Variants in PPA2 observed in about 807,000 individuals in gnomAD.
PPA2 encodes the protein inorganic pyrophosphatase 2, mitochondrial.
In PPA2, 48 loss-of-function variants were observed where a neutral mutation model predicts 49.5. The ratio of observed to expected loss-of-function variants is 0.97; its 90% CI spans 0.77 to 1.23. The LOEUF is 1.23. Ranked by LOEUF, PPA2 falls within the 50% of genes most tolerant of loss-of-function variation. The probability of loss-of-function intolerance (pLI) is 0.00; values close to 1 mark genes in which losing one functional copy is unlikely to be tolerated. For synonymous variants in PPA2, 131 were observed against 139.9 expected (o/e 0.94, Z 0.45); for missense variants, 429 against 410.1 (o/e 1.05, Z -0.40).
chr4:105,449,523 C>A, intron 3 of PPA2, 120 bp from the exon 4 acceptor site: 1 of 570,654 alleles, frequency 1.8e-6, no homozygotes, highest in Non-Finnish European at 3.0e-6. Context: ...GTTGAGTCTC[C>A]ATCATACATC....
intron 6 of PPA2, among the ~76,000 whole-genome samples, chr4:105,426,559 T>C (rs892472952): frequency 2.6e-5 from 4 of 152,206 alleles, no homozygotes; most frequent in Non-Finnish European, 5.9e-5. Flanking sequence ...GCGGGTCCCA[T>C]GCCCACAGAG....
chr4:105,457,028 C>A (rs1722900536), intron 1 of PPA2, among the ~76,000 whole-genome samples: 1 of 151,706 alleles, frequency 6.6e-6, no homozygotes, highest in South Asian at 2.1e-4. Flanking sequence ...TAGACTAAAA[C>A]CCAAAATACA....
chr4:105,440,394 TG>T (rs1724297399), intron 5 of PPA2, among the ~76,000 whole-genome samples: 1 of 152,068 alleles, frequency 6.6e-6, no homozygotes, highest in Admixed American at 6.5e-5. Context: ...CCCAAGTGGC[TG>T]GAACTACAGG....
chr4:105,374,398 T>C (rs1054038924), intron 10 of PPA2, among the ~76,000 whole-genome samples: 4 of 152,216 alleles, frequency 2.6e-5, no homozygotes, highest in African/African-American at 9.6e-5. Context: ...GTGTCTTTTA[T>C]TAAATAATTA....
intron 5 of PPA2, among the ~76,000 whole-genome samples, chr4:105,445,724 T>C (rs1722348442): frequency 6.6e-6 from 1 of 152,142 alleles, no homozygotes; most frequent in South Asian, 2.1e-4. Context: ...TGATTCAGCA[T>C]ATTCTGAGTT....
intron 11 of PPA2, 73 bp from the exon 12 acceptor site, chr4:105,369,826 T>G (rs1233176838): frequency 3.6e-6 from 5 of 1,385,156 alleles, no homozygotes; most frequent in Non-Finnish European, 5.1e-6. Flanking sequence ...TTAATCAAAT[T>G]TAATTTCGAC....
At chr4:105,420,624 A>G (rs1723209782) in intron 7 of PPA2, among the ~76,000 whole-genome samples, 1 of 152,254 alleles carries the variant, frequency 6.6e-6, no homozygotes, top group African/African-American at 2.4e-5. Flanking sequence ...CGGTCATAAA[A>G]TATAAAATCA....
chr4:105,402,065 T>A (rs943092943), intron 7 of PPA2, among the ~76,000 whole-genome samples: 3 of 152,188 alleles, frequency 2.0e-5, no homozygotes, highest in Non-Finnish European at 1.5e-5. Context: ...GAAGTTAATT[T>A]GAATGTTCTG....
At chr4:105,412,746 T>G (rs897596939) in intron 7 of PPA2, among the ~76,000 whole-genome samples, 1 of 152,230 alleles carries the variant, frequency 6.6e-6, no homozygotes, top group Non-Finnish European at 1.5e-5. Context: ...TCATCATTAC[T>G]GGTCATCAGA....
intron 7 of PPA2, among the ~76,000 whole-genome samples, chr4:105,417,432 G>T (rs985594768): frequency 4.6e-5 from 7 of 151,862 alleles, no homozygotes; most frequent in Admixed American, 2.0e-4. Context: ...ACAATTTTAA[G>T]AAATAAAGAA....
At chr4:105,390,978 A>G (rs529033093) in intron 9 of PPA2, among the ~76,000 whole-genome samples, 2 of 152,198 alleles carry the variant, frequency 1.3e-5, no homozygotes, top group Admixed American at 1.3e-4. Flanking sequence ...GATGTGGTAC[A>G]TATACATCAT....
At chr4:105,380,686 T>C (rs578028037) in intron 10 of PPA2, among the ~76,000 whole-genome samples, 3 of 152,266 alleles carry the variant, frequency 2.0e-5, no homozygotes, top group East Asian at 1.9e-4. Context: ...CGTGCTGAAA[T>C]TGACGTTTAC....
At chr4:105,401,941 G>A (rs1722209688) in intron 7 of PPA2, among the ~76,000 whole-genome samples, 1 of 152,140 alleles carries the variant, frequency 6.6e-6, no homozygotes, top group African/African-American at 2.4e-5. Context: ...AGCATCAGGT[G>A]TGTTTATTCC....
At chr4:105,396,546 A>G (rs1244428570) in intron 8 of PPA2, among the ~76,000 whole-genome samples, 1 of 152,154 alleles carries the variant, frequency 6.6e-6, no homozygotes, top group Admixed American at 6.6e-5. Context: ...TTCTTCATCT[A>G]TGAAGTAGAA....
At chr4:105,380,154 C>T (rs1297118307) in intron 10 of PPA2, among the ~76,000 whole-genome samples, 1 of 151,946 alleles carries the variant, frequency 6.6e-6, no homozygotes. Flanking sequence ...GGCTTAGAGT[C>T]GTGTTTATAG....
chr4:105,373,712 C>A (rs957308280), intron 10 of PPA2, among the ~76,000 whole-genome samples: 1 of 151,364 alleles, frequency 6.6e-6, no homozygotes, highest in Non-Finnish European at 1.5e-5. Flanking sequence ...AAATACATTT[C>A]TCAATTGATA....
chr4:105,454,205 C>T (rs17035618), intron 2 of PPA2, among the ~76,000 whole-genome samples: 5,110 of 152,182 alleles, frequency 0.034, 279 homozygotes, highest in African/African-American at 0.11. Flanking sequence ...GCATATGTAA[C>T]GTTTATACAC....
chr4:105,456,590 A>C lies in PPA2; in HGVS notation c.222+91T>G, dbSNP rs1722883839. 4 of 1,071,364 alleles carry C rather than the reference A, an allele frequency of 3.7e-6. No homozygotes were observed. In the South Asian group the frequency reaches 4.6e-5, roughly 12 times the overall value. 66.4% of individuals were successfully genotyped at this position (1,071,364 alleles called of 1,614,324 possible). On this transcript the variant is annotated intron_variant, in intron 2 of 11. Transcript: ENST00000341695. ...CTGTTTGTCCTCCTGACTTCCAACAACACTTTTTCCTTTCAAGGTGCTTCC... is the reference window on the plus strand; with the variant it reads ...CTGTTTGTCCTCCTGACTTCCAACACCACTTTTTCCTTTCAAGGTGCTTCC...
At chr4:105,447,050 CTG>C (rs1339175226) in intron 4 of PPA2, among the ~76,000 whole-genome samples, 1 of 152,062 alleles carries the variant, frequency 6.6e-6, no homozygotes, top group African/African-American at 2.4e-5. Flanking sequence ...AGAAGTGAAA[CTG>C]TCACTGTTTG....
Sources: allele counts gnomAD v4.1 joint callset (sites outside exome capture counted in the v4.1 genomes callset), GRCh38; gene constraint gnomAD v4.1.1; transcripts MANE v1.5; gene names NCBI Gene and HGNC (gene_info 2026-07-23, HGNC 2026-07-21).